The following FNDC1 variants were observed in gnomAD, a reference collection of about 807,000 sequenced individuals.
The protein encoded by FNDC1 is fibronectin type III domain-containing protein 1.
FNDC1 carries 96 observed loss-of-function variants against 168.0 expected under a neutral mutation model. The observed-to-expected ratio is 0.57, with a 90% CI of 0.48 to 0.68. The LOEUF (loss-of-function observed/expected upper bound fraction) is 0.68, where lower values mean the gene tolerates loss of function less well. Ranked by LOEUF, FNDC1 falls within the 30% of genes least tolerant of loss-of-function variation. FNDC1 has a pLI of 0.00. For missense variants in FNDC1, 2,587 were observed against 2,482.1 expected (o/e 1.04, Z -0.90); for synonymous variants, 1,099 against 1,025.9 (o/e 1.07, Z -1.36).
intron 4 of FNDC1, among the ~76,000 whole-genome samples, chr6:159,213,826 C>G (rs1211033481): frequency 1.3e-5 from 2 of 152,128 alleles, no homozygotes; most frequent in Non-Finnish European, 2.9e-5. Flanking sequence ...TTGGGTAGCT[C>G]CAGCTAATCT....
At chr6:159,239,153 T>C (rs34744799) in intron 13 of FNDC1, among the ~76,000 whole-genome samples, 1 of 152,256 alleles carries the variant, frequency 6.6e-6, no homozygotes, top group Non-Finnish European at 1.5e-5. Context: ...TTATGTATTG[T>C]CTATCTTCTT....
Position 159,169,684 on chromosome 6 carries a change from GCCT to G in FNDC1, c.93_95del (p.Ser32del). ...GCTCTTGGCCGCGCTGCTCCCCGTCGCCTCCTCGGCGGCGGCCTCAGGTACGCG... is the reference window on the plus strand; with the variant it reads ...GCTCTTGGCCGCGCTGCTCCCCGTCGCCTCGGCGGCGGCCTCAGGTACGCG... On this transcript the variant is annotated inframe_deletion, in exon 1 of 23. Coordinates refer to ENST00000297267, the MANE Select transcript of FNDC1 (RefSeq NM_032532.3). This position sits in a 1 kb window ranked among gnomAD's most constrained non-coding sequence, Gnocchi z 6.8. 8.6e-7 allele frequency: 1 copy of G among 1,160,774 alleles called. No individual in the cohort carries two copies. Among genetic ancestry groups the G allele is most frequent in the Non-Finnish European group, 1.1e-6 (1 of 942,682 alleles). 71.9% of individuals were successfully genotyped at this position (1,160,774 alleles called of 1,614,324 possible).
chr6:159,208,935 C>T (rs770235055), intron 4 of FNDC1, among the ~76,000 whole-genome samples: 27 of 149,418 alleles, frequency 1.8e-4, no homozygotes, highest in Non-Finnish European at 3.4e-4. Context: ...GCAACCTCTG[C>T]CTCCCGGCAT....
chr6:159,248,511 G>A (rs1242671525), intron 15 of FNDC1, among the ~76,000 whole-genome samples: 1 of 151,994 alleles, frequency 6.6e-6, no homozygotes, highest in Non-Finnish European at 1.5e-5. Context: ...TCACCATGTT[G>A]GCCAGGATGG....
In FNDC1 at chr6:159,256,648, AT is replaced by A; in HGVS notation, c.5174+20del. 1 of 1,567,580 alleles carries A rather than the reference AT, an allele frequency of 6.4e-7. No individual in the cohort carries two copies. Among genetic ancestry groups the A allele is most frequent in the Non-Finnish European group, 8.8e-7 (1 of 1,138,820 alleles). On this transcript the variant is annotated intron_variant, in intron 18 of 22. Transcript: ENST00000297267. ...CAACACGAGGTACGATGTGTCAGTC[AT>A]TTAGAAAAGATGAGATCCATGTGCA... is the stretch of plus-strand genomic sequence containing the variant.
rs748190044 is a variant in FNDC1, at chr6:159,271,340, G to A, written c.5583G>A (p.Gln1861=). The change falls in exon 23 of 23, where the codon CAG becomes CAA. Residue 1861 remains glutamine (Q), a synonymous_variant. Transcript: ENST00000297267. ...TTGCCCTTCCAGGCTACTATCGCCAGTATCGTCAGGAGCCTGTCAGGTTTG... is the reference window on the plus strand; with the variant it reads ...TTGCCCTTCCAGGCTACTATCGCCAATATCGTCAGGAGCCTGTCAGGTTTG... ...ALPTIQGYYR[Q]YRQEPVRFGN... is the part of the protein sequence containing the mutation. 97 of 1,609,188 alleles carry A rather than the reference G, an allele frequency of 6.0e-5. 1 individual carries two copies. The South Asian group carries it at 6.9e-4, about 11-fold the overall frequency.
At chr6:159,200,209 A>G (rs1782346184) in intron 3 of FNDC1, 127 bp downstream of exon 3, 1 of 737,234 alleles carries the variant, frequency 1.4e-6, no homozygotes, top group South Asian at 1.8e-5. Flanking sequence ...AACTTTTTAG[A>G]CTTGTATAGC....
At chr6:159,259,502 A>G (rs968093538) in intron 18 of FNDC1, among the ~76,000 whole-genome samples, 1 of 152,222 alleles carries the variant, frequency 6.6e-6, no homozygotes, top group Non-Finnish European at 1.5e-5. Context: ...CCTTGATGGC[A>G]TAGAGGCACT....
At chr6:159,201,999 C>T (rs549935762) in intron 4 of FNDC1, among the ~76,000 whole-genome samples, 369 of 152,310 alleles carry the variant, frequency 2.4e-3, no homozygotes, top group Non-Finnish European at 4.6e-3. Flanking sequence ...AGCAGAAACC[C>T]TGGGGACCAG....
Position 159,238,670 on chromosome 6 carries a change from G to C in FNDC1, c.4180+5G>C. ...GAGATGGTCGAACCATTGTAGGTAA[G>C]GGAGAATGGTTTTTAAAGAATAAAA... On this transcript the variant is annotated splice_donor_5th_base_variant and intron_variant, in intron 13 of 22. Transcript: ENST00000297267. The C allele has an allele frequency of 6.4e-7, 1 of 1,564,646 alleles. No individual in the cohort carries two copies. Among genetic ancestry groups the C allele is most frequent in the South Asian group, 1.2e-5 (1 of 85,368 alleles).
At chr6:159,171,996 T>C (rs181345204) in intron 1 of FNDC1, among the ~76,000 whole-genome samples, 20 of 152,330 alleles carry the variant, frequency 1.3e-4, no homozygotes, top group African/African-American at 4.8e-4. Context: ...TTACTGAGAA[T>C]CAAGGCAGGG....
At position 159,214,735 on chromosome 6, in the gene FNDC1, CT is replaced by C. The variant is rs1782673938; in HGVS notation, c.461-206del. ...ATGTTTTATTTTAATTTCTTGAGAC[CT>C]TTTGGTATGAAATGTGGGGAGGAAT... is the stretch of plus-strand genomic sequence containing the variant. On this transcript the variant is annotated intron_variant, in intron 4 of 22. Coordinates refer to ENST00000297267, the MANE Select transcript of FNDC1 (RefSeq NM_032532.3). Among the ~76,000 whole-genome samples, 3 of 152,248 alleles carry C rather than the reference CT, an allele frequency of 2.0e-5. No homozygotes were observed. The Middle Eastern group carries it at 0.01, about 518-fold the overall frequency.
In FNDC1 at chr6:159,269,428, G is replaced by GTAT. The variant is rs1777680607; in HGVS notation, c.5569+1502_5569+1503insTAT. ...ATGTATGTATGTATGTATGTATGTA[G>GTAT]GTATCCATCCATTATCTACCTATTC... On this transcript the variant is annotated intron_variant, in intron 22 of 22. Transcript: ENST00000297267. Among the ~76,000 whole-genome samples, 9 of 58,634 alleles carry GTAT rather than the reference G, an allele frequency of 1.5e-4. 1 individual carries two copies. The South Asian group carries it at 6.1e-3, about 40-fold the overall frequency. 38.5% of individuals were successfully genotyped at this position (58,634 alleles called of 152,430 possible).
In FNDC1 at chr6:159,234,185, G is replaced by C; in HGVS notation, c.3673G>C (p.Glu1225Gln). Residue 1225 changes from glutamate to glutamine, a missense_variant, in exon 11 of 23, where the codon GAG (glutamate) becomes CAG (glutamine). Transcript: ENST00000297267. ...TGGGAGCCTCGCCAAGGAAGAGAGG[G>C]AGCCTGCCATCGCGCTTGCCCCTCG... ...ADGSLAKEER[E>Q]PAIALAPRGG... 2 of 1,599,990 alleles carry C rather than the reference G, an allele frequency of 1.3e-6. No individual in the cohort carries two copies.
intron 6 of FNDC1, 108 bp from the exon 7 acceptor site, chr6:159,223,420 C>T: frequency 1.7e-6 from 1 of 594,730 alleles, no homozygotes; most frequent in African/African-American, 1.9e-5. Context: ...TACACACAAG[C>T]AATCTAAAAC....
In FNDC1 at chr6:159,233,363, G is replaced by T. The variant is rs576347836; in HGVS notation, c.2851G>T (p.Asp951Tyr). 3 of 1,613,814 alleles carry T rather than the reference G, an allele frequency of 1.9e-6. No individual in the cohort carries two copies. Among genetic ancestry groups the T allele is most frequent in the African/African-American group, 2.7e-5 (2 of 75,004 alleles). ...KYSSLASKAQ[D>Y]VQQSTDADTE... Reference sequence around the variant, plus strand: ...CTCCTCCCTGGCCTCCAAGGCTCAGGATGTTCAACAGAGCACAGACGCGGA... The same window carrying T: ...CTCCTCCCTGGCCTCCAAGGCTCAGTATGTTCAACAGAGCACAGACGCGGA... The change falls in exon 11 of 23, where the codon GAT becomes TAT. Residue 951 changes from aspartate to tyrosine, a missense_variant. Asp to Tyr is a radical substitution (Grantham distance 160). Coordinates refer to ENST00000297267, the MANE Select transcript of FNDC1 (RefSeq NM_032532.3). This position sits in a 1 kb window ranked among gnomAD's most constrained non-coding sequence, Gnocchi z 4.6.
chr6:159,269,250 C>G (rs554522983), intron 22 of FNDC1, among the ~76,000 whole-genome samples: 1 of 88,726 alleles, frequency 1.1e-5, no homozygotes, highest in East Asian at 4.6e-4. Context: ...TCTATCTATC[C>G]ATCTATCATC....
chr6:159,174,593 C>T (rs909289718), intron 1 of FNDC1, among the ~76,000 whole-genome samples: 2 of 152,276 alleles, frequency 1.3e-5, no homozygotes, highest in African/African-American at 4.8e-5. Flanking sequence ...TCCCTTAGTG[C>T]TTGCCTTTTG....
At position 159,245,779 on chromosome 6, in the gene FNDC1, C is replaced by CA. The variant is rs1783528169; in HGVS notation, c.4622-1121dup. On this transcript the variant is annotated intron_variant, in intron 14 of 22. Transcript: ENST00000297267. ...TTTTTTTTTTTTTGAGACGGAGTCT[C>CA]ACTCTGTCACCCAGGCTGGAGTGCA... 8.4e-4 allele frequency among the ~76,000 whole-genome samples: 2 copies of CA among 2,376 alleles called. 1 individual carries two copies. Among genetic ancestry groups the CA allele is most frequent in the South Asian group, 0.021 (2 of 94 alleles). The allele number at this position is 2,376 out of a possible 152,430, so 1.6% of individuals were successfully genotyped here.
Sources: gnomAD v4.1 joint callset for allele counts (sites outside exome capture counted in the v4.1 genomes callset) on GRCh38, gnomAD v4.1.1 for gene constraint, Gnocchi (gnomAD v3.1) non-coding constraint, MANE v1.5 for transcripts, NCBI Gene and HGNC (gene_info 2026-07-23, HGNC 2026-07-21) for gene names.